The following RPA2 variants were observed in gnomAD, a reference collection of about 807,000 sequenced individuals.
The protein encoded by RPA2 is replication protein A 32 kDa subunit.
RPA2 carries 22 observed loss-of-function variants against 33.4 expected under a neutral mutation model. The observed-to-expected ratio is 0.66, with a 90% CI of 0.47 to 0.94. The LOEUF (loss-of-function observed/expected upper bound fraction) is 0.94. Ranked by LOEUF, RPA2 falls within the 40% of genes least tolerant of loss-of-function variation. The pLI is 0.00. For synonymous variants in RPA2, 109 were observed against 114.9 expected, an observed-to-expected ratio of 0.95 and a Z score of 0.33; for missense variants, 279 against 329.9, an observed-to-expected ratio of 0.85 and a Z score of 1.19.
intron 2 of RPA2, among the ~76,000 whole-genome samples, chr1:27,911,733 G>C (rs1196731492): frequency 1.3e-5 from 2 of 152,112 alleles, no homozygotes; most frequent in Non-Finnish European, 2.9e-5. Context: ...ATATACCTGA[G>C]TCTCTGTTAG....
In RPA2 at chr1:27,891,801, C is replaced by T. The variant is rs28904909; in HGVS notation, c.*362G>A. The T allele has an allele frequency of 3.1e-3, 564 of 183,420 alleles. 1 individual carries two copies. Among genetic ancestry groups the T allele is most frequent in the Admixed American group, 6.3e-3 (109 of 17,440 alleles). 11.4% of individuals were successfully genotyped at this position (183,420 alleles called of 1,614,324 possible). ...AGGGCTCTGCCTATAACGCCCTGGTCCTGCTCATCTTTCAGCAGTAAACAT... is the reference window on the plus strand; with the variant it reads ...AGGGCTCTGCCTATAACGCCCTGGTTCTGCTCATCTTTCAGCAGTAAACAT... On this transcript the variant is annotated 3_prime_UTR_variant, in exon 9 of 9. Coordinates refer to ENST00000373912, the MANE Select transcript of RPA2 (RefSeq NM_002946.5).
At chr1:27,892,657 A>G (rs2089839122) in intron 8 of RPA2, among the ~76,000 whole-genome samples, 1 of 152,232 alleles carries the variant, frequency 6.6e-6, no homozygotes, top group Non-Finnish European at 1.5e-5. Context: ...CTCTCAGGGA[A>G]GTAAAGTTGT....
At chr1:27,895,247 C>A (rs1416667062) in intron 6 of RPA2, among the ~76,000 whole-genome samples, 2 of 152,144 alleles carry the variant, frequency 1.3e-5, no homozygotes, top group Admixed American at 6.5e-5. Flanking sequence ...CATGGTGAAA[C>A]CCCGCCTGTA....
At position 27,894,471 on chromosome 1, in the gene RPA2, G is replaced by A. The variant is rs189225227; in HGVS notation, c.526-74C>T. ...CAGTCTTTACTACTTAAAATAGCTC[G>A]TTAAGCAGCTTACAAAAAACAATTT... On this transcript the variant is annotated intron_variant, in intron 6 of 8. Transcript: ENST00000373912. The A allele has an allele frequency of 7.3e-5, 92 of 1,260,968 alleles. No homozygotes were observed. In the Admixed American group the frequency reaches 8.8e-4, roughly 12 times the overall value. The allele number at this position is 1,260,968 out of a possible 1,614,324, so 78.1% of individuals were successfully genotyped here.
In RPA2 at chr1:27,914,447, G is replaced by A; in HGVS notation, c.-4C>T. 6.3e-7 allele frequency: 1 copy of A among 1,595,854 alleles called. No homozygotes were observed. The highest frequency in any genetic ancestry group is 1.1e-5 in the South Asian group (1 of 88,822). On this transcript the variant is annotated 5_prime_UTR_variant, in exon 1 of 9. Coordinates refer to ENST00000373912, the MANE Select transcript of RPA2 (RefSeq NM_002946.5). ...CCCCATCATTACTGTTCCACATCTT[G>A]GTCACGATTCTCCGCAAAGAGGCCG...
chr1:27,910,987 G>A (rs976446343), intron 2 of RPA2, among the ~76,000 whole-genome samples: 1 of 152,120 alleles, frequency 6.6e-6, no homozygotes, highest in Non-Finnish European at 1.5e-5. Flanking sequence ...AGGCCAAGAA[G>A]AGCAGATCGC....
At chr1:27,895,582 G>A (rs1225774621) in intron 6 of RPA2, among the ~76,000 whole-genome samples, 1 of 151,122 alleles carries the variant, frequency 6.6e-6, no homozygotes, top group Admixed American at 6.6e-5. Flanking sequence ...GGGTGTGGTG[G>A]CAGCCGGGTG....
At chr1:27,914,768 C>A (rs545878844), upstream of RPA2, 578 of 1,245,760 alleles carry the variant, frequency 4.6e-4, 1 homozygote, top group Middle Eastern at 5.6e-4. Context: ...GCTGGCAGAG[C>A]GGTATCGCAA....
chr1:27,902,414 G>T (rs572185509), intron 4 of RPA2, among the ~76,000 whole-genome samples: 1 of 151,784 alleles, frequency 6.6e-6, no homozygotes, highest in African/African-American at 2.4e-5. Context: ...CTCCCGAGTA[G>T]CTGGGACTAC....
In RPA2 at chr1:27,894,108, T is replaced by C; in HGVS notation, c.634-2A>G. 6.2e-7 allele frequency: 1 copy of C among 1,612,760 alleles called. No individual in the cohort carries two copies. The highest frequency in any genetic ancestry group is 8.5e-7 in the Non-Finnish European group (1 of 1,178,872). ...ACAAGCCTTAATCAAATTCAACACC[T>C]GAAGATTCAAATCAGAAAGATTTTA... On this transcript the variant is annotated splice_acceptor_variant, in intron 7 of 8. Coordinates refer to ENST00000373912, the MANE Select transcript of RPA2 (RefSeq NM_002946.5). LOFTEE classifies it high-confidence loss of function.
intron 7 of RPA2, 27 bp downstream of exon 7, chr1:27,894,263 T>G (rs1354986846): frequency 1.3e-6 from 2 of 1,599,428 alleles, no homozygotes; most frequent in Non-Finnish European, 1.7e-6. Context: ...TGTTTTGTAT[T>G]TCTGAAGCCA....
rs961998026 is a variant in RPA2, at chr1:27,892,103, A to C, written c.*60T>G. 1 of 1,411,398 alleles carries C rather than the reference A, an allele frequency of 7.1e-7. No individual in the cohort carries two copies. 87.4% of individuals were successfully genotyped at this position (1,411,398 alleles called of 1,614,324 possible). A position where few individuals can be genotyped will look rare whatever the true frequency, so the allele number is the denominator to read the frequency against. On this transcript the variant is annotated 3_prime_UTR_variant, in exon 9 of 9. Transcript: ENST00000373912. ...TGGCCAGACATATGCAGAGCTGGAG[A>C]CAACAGATTGTGAAACTAGGTCCAG...
intron 4 of RPA2, among the ~76,000 whole-genome samples, chr1:27,899,178 G>T (rs2089931275): frequency 1.3e-5 from 2 of 152,144 alleles, no homozygotes; most frequent in African/African-American, 4.8e-5. Context: ...TTCGAGACCA[G>T]CCTGGCCAAC....
intron 4 of RPA2, among the ~76,000 whole-genome samples, chr1:27,901,356 A>C (rs1419130299): frequency 2.0e-5 from 3 of 151,884 alleles, no homozygotes; most frequent in Non-Finnish European, 2.9e-5. Flanking sequence ...TTAGCCATAA[A>C]GTTTTTTTTT....
chr1:27,912,014 A>T (rs1161918974), intron 2 of RPA2, among the ~76,000 whole-genome samples: 2 of 152,078 alleles, frequency 1.3e-5, no homozygotes, highest in African/African-American at 4.8e-5. Context: ...GAATGGCGTG[A>T]AGCCGGGAGG....
chr1:27,892,995 A>C (rs1220759273), intron 8 of RPA2, among the ~76,000 whole-genome samples: 1 of 152,196 alleles, frequency 6.6e-6, no homozygotes, highest in Non-Finnish European at 1.5e-5. Flanking sequence ...TGGAATCAGG[A>C]CAAGGGTGTT....
intron 8 of RPA2, 58 bp from the exon 9 acceptor site, chr1:27,892,305 C>A (rs1280116764): frequency 7.0e-7 from 1 of 1,419,460 alleles, no homozygotes; most frequent in Non-Finnish European, 9.9e-7. Context: ...AAGGAAACTG[C>A]CTTTTGGATA....
At chr1:27,894,793 G>A (rs1246496259) in intron 6 of RPA2, among the ~76,000 whole-genome samples, 1 of 152,082 alleles carries the variant, frequency 6.6e-6, no homozygotes, top group East Asian at 1.9e-4. Flanking sequence ...AGTCCCTATC[G>A]TCCTCTCTTT....
intron 2 of RPA2, among the ~76,000 whole-genome samples, chr1:27,910,550 A>C (rs1163883198): frequency 1.3e-5 from 2 of 152,250 alleles, no homozygotes; most frequent in African/African-American, 4.8e-5. Flanking sequence ...AAACTAAAAA[A>C]ATTTTCATAG....
Sources: gnomAD v4.1 joint callset for allele counts (sites outside exome capture counted in the v4.1 genomes callset) on GRCh38, gnomAD v4.1.1 for gene constraint, MANE v1.5 for transcripts, NCBI Gene and HGNC (gene_info 2026-07-23, HGNC 2026-07-21) for gene names.